The following AMZ2 variants were observed in gnomAD, a reference collection of about 807,000 sequenced individuals.
AMZ2 encodes the protein archaemetzincin-2.
In AMZ2, 26 loss-of-function variants were observed where a neutral mutation model predicts 36.7. That is an observed-to-expected ratio of 0.71 (90% CI 0.52 to 0.98). AMZ2 has a LOEUF of 0.98. Ranked by LOEUF, AMZ2 falls within the 50% of genes least tolerant of loss-of-function variation. The probability of loss-of-function intolerance (pLI) is 0.00; values close to 1 mark genes in which losing one functional copy is unlikely to be tolerated. For missense variants in AMZ2, 394 were observed against 430.5 expected, an observed-to-expected ratio of 0.92 and a Z score of 0.75; for synonymous variants, 144 against 149.1, an observed-to-expected ratio of 0.97 and a Z score of 0.25.
intron 1 of AMZ2, chr17:68,206,893 T>C (rs35744229): frequency 0.12 from 18,988 of 153,366 alleles, 1,331 homozygotes; most frequent in Non-Finnish European, 0.15. Flanking sequence ...CAGTTGCTGG[T>C]AAATGGCTGA....
At chr17:68,227,571 G>A (rs2073547101) in intron 1 of AMZ2, among the ~76,000 whole-genome samples, 1 of 152,196 alleles carries the variant, frequency 6.6e-6, no homozygotes, top group African/African-American at 2.4e-5. Flanking sequence ...CCAGCTTCTG[G>A]TGGCCAGCCG....
intron 1 of AMZ2, among the ~76,000 whole-genome samples, chr17:68,223,393 C>A (rs1204623247): frequency 2.0e-5 from 3 of 152,006 alleles, no homozygotes; most frequent in Admixed American, 1.3e-4. Flanking sequence ...CGGGGCAGCG[C>A]TTTCTTGCCA....
chr17:68,236,066 G>A lies in AMZ2; in HGVS notation c.-66-12574G>A, dbSNP rs1599356587. Among the ~76,000 whole-genome samples the A allele has an allele frequency of 3.3e-5, 5 of 151,966 alleles. 1 individual carries two copies. Among genetic ancestry groups the A allele is most frequent in the African/African-American group, 1.2e-4 (5 of 41,474 alleles). The stretch of plus-strand genomic sequence containing the variant: ...GCTGGTCTCGAACTCCTAACCTCAG[G>A]TGATCCACCCGCCTCGGCCTCCCAA... On this transcript the variant is annotated intron_variant, in intron 1 of 7. Transcript: ENST00000674770.
At chr17:68,252,835 T>A (rs2074586751) in intron 4 of AMZ2, among the ~76,000 whole-genome samples, 1 of 152,184 alleles carries the variant, frequency 6.6e-6, no homozygotes. Context: ...AAAAAATAAT[T>A]TTAAAACCAT....
At chr17:68,243,126 T>C (rs143524248), upstream of AMZ2, among the ~76,000 whole-genome samples, 8 of 150,528 alleles carry the variant, frequency 5.3e-5, no homozygotes, top group Admixed American at 1.4e-4. Flanking sequence ...TAGGTCACTA[T>C]TGTCTTTGAG....
chr17:68,209,621 TATATA>T (rs1568337541), intron 1 of AMZ2, among the ~76,000 whole-genome samples: 3 of 99,560 alleles, frequency 3.0e-5, no homozygotes, highest in African/African-American at 1.4e-4. Flanking sequence ...TATATATATA[TATATA>T]TATATATTTT....
At chr17:68,211,841 C>T (rs71387383) in intron 1 of AMZ2, among the ~76,000 whole-genome samples, 22,398 of 123,650 alleles carry the variant, frequency 0.18, 3,476 homozygotes, top group Non-Finnish European at 0.23. Context: ...TATATATGTA[C>T]ATGTATATAT....
intron 4 of AMZ2, among the ~76,000 whole-genome samples, chr17:68,253,140 A>G (rs2074614456): frequency 6.6e-6 from 1 of 152,234 alleles, no homozygotes; most frequent in South Asian, 2.1e-4. Context: ...GTCCTTGCTG[A>G]AAGTAGTGAA....
intron 5 of AMZ2, among the ~76,000 whole-genome samples, chr17:68,255,263 T>C (rs1186254418): frequency 1.3e-5 from 2 of 152,058 alleles, no homozygotes; most frequent in African/African-American, 4.8e-5. Context: ...AGCCCCAGAA[T>C]CAGAATTACA....
chr17:68,209,164 T>A (rs1183522190), intron 1 of AMZ2, among the ~76,000 whole-genome samples: 1 of 151,952 alleles, frequency 6.6e-6, no homozygotes, highest in African/African-American at 2.4e-5. Context: ...TAGAAAGGAC[T>A]ACATGTAAAT....
chr17:68,209,985 T>G (rs1264592451), intron 1 of AMZ2, among the ~76,000 whole-genome samples: 4 of 152,052 alleles, frequency 2.6e-5, no homozygotes, highest in African/African-American at 9.7e-5. Context: ...CACAATGAGA[T>G]ACCACTTCAC....
At chr17:68,225,229 T>C (rs781784070) in intron 1 of AMZ2, among the ~76,000 whole-genome samples, 1 of 151,912 alleles carries the variant, frequency 6.6e-6, no homozygotes, top group Non-Finnish European at 1.5e-5. Flanking sequence ...GTGTGTGAAA[T>C]TGACGGGCTG....
chr17:68,254,315 T>C, intron 4 of AMZ2, 89 bp from the exon 5 acceptor site: 2 of 1,329,152 alleles, frequency 1.5e-6, no homozygotes, highest in Non-Finnish European at 2.1e-6. Context: ...ATGCACTCAC[T>C]GGCCAGATGG....
chr17:68,227,595 G>A lies in AMZ2; in HGVS notation c.-66-21045G>A, dbSNP rs190426504. Among the ~76,000 whole-genome samples, 500 of 152,258 alleles carry A rather than the reference G, an allele frequency of 3.3e-3. 2 individuals carry two copies. The highest frequency in any genetic ancestry group is 0.012 in the African/African-American group (484 of 41,524). On this transcript the variant is annotated intron_variant, in intron 1 of 7. Transcript: ENST00000674770. The stretch of plus-strand genomic sequence containing the variant: ...GGTGGCCAGCCGCATTCCTTGGCTC[G>A]TGGCTGCATCGCTCCAGTCTTCAAG...
intron 1 of AMZ2, among the ~76,000 whole-genome samples, chr17:68,228,357 A>G (rs1555730398): frequency 6.6e-6 from 1 of 152,092 alleles, no homozygotes; most frequent in African/African-American, 2.4e-5. Context: ...TGAGCCCTAG[A>G]GATAGGGAGT....
rs1403833397 is a variant in AMZ2, at chr17:68,250,809, C to A, written c.299C>A (p.Thr100Asn). 6.3e-7 allele frequency: 1 copy of A among 1,579,726 alleles called. No homozygotes were observed. The highest frequency in any genetic ancestry group is 8.5e-7 in the Non-Finnish European group (1 of 1,170,390). ...YIQSIGSLGN[T>N]RIISEEYIKW... ...CATATTGTAGGCTCTCTAGGAAACA[C>A]CAGAATTATCAGTGAAGAATATATT... The change falls in exon 3 of 7, where the codon ACC becomes AAC. Residue 100 changes from threonine to asparagine, a missense_variant. Thr to Asn is a moderately conservative substitution (Grantham distance 65). Transcript: ENST00000359904.
At chr17:68,232,999 A>G (rs1416890102) in intron 1 of AMZ2, among the ~76,000 whole-genome samples, 3 of 152,210 alleles carry the variant, frequency 2.0e-5, no homozygotes, top group African/African-American at 7.2e-5. Flanking sequence ...GGATTACACA[A>G]CAAGCATTCA....
intron 1 of AMZ2, among the ~76,000 whole-genome samples, chr17:68,210,259 C>G (rs1368653684): frequency 1.3e-5 from 2 of 152,170 alleles, no homozygotes; most frequent in Non-Finnish European, 2.9e-5. Context: ...CAGCATTATT[C>G]TCAATGACCA....
At chr17:68,247,478 C>T (rs1460663402), upstream of AMZ2, 3 of 276,172 alleles carry the variant, frequency 1.1e-5, no homozygotes, top group African/African-American at 4.6e-5. Flanking sequence ...CACGGCCTCC[C>T]CTCAGCATCC....
Sources: gnomAD v4.1 joint callset for allele counts (sites outside exome capture counted in the v4.1 genomes callset) on GRCh38, gnomAD v4.1.1 for gene constraint, MANE v1.5 for transcripts, NCBI Gene and HGNC (gene_info 2026-07-23, HGNC 2026-07-21) for gene names.